The following SPOCK1 variants were observed in gnomAD, a reference collection of about 807,000 sequenced individuals.
The protein encoded by SPOCK1 is testican-1.
In SPOCK1, 23 loss-of-function variants were observed where a neutral mutation model predicts 55.3. That is an observed-to-expected ratio of 0.42 (90% CI 0.30 to 0.59). SPOCK1 has a LOEUF of 0.59. Ranked by LOEUF, SPOCK1 falls within the 20% of genes least tolerant of loss-of-function variation. The pLI is 0.22. For synonymous variants in SPOCK1, 226 were observed against 221.0 expected, an observed-to-expected ratio of 1.02 and a Z score of -0.20; for missense variants, 499 against 552.5, an observed-to-expected ratio of 0.90 and a Z score of 0.97.
intron 3 of SPOCK1, among the ~76,000 whole-genome samples, chr5:137,215,794 A>T (rs1439292613): frequency 6.6e-6 from 1 of 152,206 alleles, no homozygotes. Flanking sequence ...TCCTCAGGAT[A>T]ACTGCACATT....
intron 3 of SPOCK1, among the ~76,000 whole-genome samples, chr5:137,248,456 G>A (rs1222861855): frequency 2.6e-5 from 4 of 152,226 alleles, no homozygotes; most frequent in African/African-American, 4.8e-5. Flanking sequence ...ATGTCTAGCT[G>A]TGAAGCAGAA....
At chr5:137,089,613 G>A (rs1242200072) in intron 5 of SPOCK1, among the ~76,000 whole-genome samples, 1 of 152,112 alleles carries the variant, frequency 6.6e-6, no homozygotes, top group African/African-American at 2.4e-5. Context: ...TCATCAAGAG[G>A]CTGCTGTTCA....
intron 3 of SPOCK1, among the ~76,000 whole-genome samples, chr5:137,144,593 G>C (rs964966449): frequency 6.6e-6 from 1 of 152,182 alleles, no homozygotes; most frequent in African/African-American, 2.4e-5. Flanking sequence ...GATTGAAAGG[G>C]GATGAGGAGT....
chr5:137,050,988 A>G (rs1752195261), intron 6 of SPOCK1, among the ~76,000 whole-genome samples: 1 of 152,260 alleles, frequency 6.6e-6, no homozygotes, highest in Non-Finnish European at 1.5e-5. Context: ...AAAGTTATCA[A>G]TTCTTCTCCA....
intron 2 of SPOCK1, among the ~76,000 whole-genome samples, chr5:137,358,540 GA>G (rs1254144845): frequency 6.7e-6 from 1 of 149,454 alleles, no homozygotes; most frequent in Non-Finnish European, 1.5e-5. Flanking sequence ...GGGGAAGGAA[GA>G]GGGGAAGGTG....
intron 2 of SPOCK1, among the ~76,000 whole-genome samples, chr5:137,349,668 C>G (rs1296211355): frequency 6.6e-6 from 1 of 152,196 alleles, no homozygotes; most frequent in African/African-American, 2.4e-5. Context: ...CTCCTGGCTT[C>G]TAGTGGTTTG....
intron 2 of SPOCK1, among the ~76,000 whole-genome samples, chr5:137,451,183 C>T (rs1044235533): frequency 6.6e-6 from 1 of 152,192 alleles, no homozygotes; most frequent in Non-Finnish European, 1.5e-5. Flanking sequence ...TAGTCTAAAA[C>T]AGAACAGTTT....
rs118172279 is a variant in SPOCK1, at chr5:137,194,838, C to T, written c.233-54144G>A. Among the ~76,000 whole-genome samples the T allele has an allele frequency of 1.6e-3, 241 of 152,270 alleles. 1 individual carries two copies. The highest frequency in any genetic ancestry group is 0.012 in the East Asian group (62 of 5,170). ...CCTCCCATAAGCACCAGCCCTGAGC[C>T]GGCAGCTACAAGCCCATTTCTGGTC... On this transcript the variant is annotated intron_variant, in intron 3 of 10. Transcript: ENST00000394945.
At chr5:136,983,451 TCATTAAGGAGTGTACGC>T (rs1750772638) in intron 9 of SPOCK1, among the ~76,000 whole-genome samples, 2 of 152,284 alleles carry the variant, frequency 1.3e-5, no homozygotes, top group East Asian at 3.9e-4. Context: ...ATCCACCCTC[TCATTAAGGAGTGTACGC>T]CATTGCATGC....
intron 4 of SPOCK1, among the ~76,000 whole-genome samples, chr5:137,121,930 T>A (rs893154120): frequency 6.9e-6 from 1 of 145,848 alleles, no homozygotes; most frequent in Non-Finnish European, 1.5e-5. Context: ...ACTGTTATTA[T>A]ATAACAGTAT....
At chr5:137,403,743 G>A (rs1429132535) in intron 2 of SPOCK1, among the ~76,000 whole-genome samples, 2 of 151,960 alleles carry the variant, frequency 1.3e-5, no homozygotes, top group Non-Finnish European at 2.9e-5. Flanking sequence ...ACAGCAAGGG[G>A]GACGGTATGG....
At chr5:137,218,469 T>A (rs900733017) in intron 3 of SPOCK1, among the ~76,000 whole-genome samples, 3 of 152,262 alleles carry the variant, frequency 2.0e-5, no homozygotes, top group African/African-American at 7.2e-5. Flanking sequence ...TTGTTCTGAT[T>A]GAAATGAACA....
chr5:137,197,097 C>T (rs1387157426), intron 3 of SPOCK1, among the ~76,000 whole-genome samples: 1 of 152,204 alleles, frequency 6.6e-6, no homozygotes, highest in Non-Finnish European at 1.5e-5. Context: ...ATCTTACACT[C>T]TTTGGATGAC....
At chr5:137,315,356 C>G (rs1283537315) in intron 2 of SPOCK1, among the ~76,000 whole-genome samples, 1 of 152,226 alleles carries the variant, frequency 6.6e-6, no homozygotes, top group Non-Finnish European at 1.5e-5. Context: ...GTCTTCAACT[C>G]TGAACCACGT....
intron 2 of SPOCK1, among the ~76,000 whole-genome samples, chr5:137,311,441 C>A (rs1757787177): frequency 6.6e-6 from 1 of 152,210 alleles, no homozygotes; most frequent in South Asian, 2.1e-4. Context: ...GGATACCTTA[C>A]AAATGTTCTT....
At chr5:137,172,408 T>C (rs1412900191) in intron 3 of SPOCK1, among the ~76,000 whole-genome samples, 1 of 152,180 alleles carries the variant, frequency 6.6e-6, no homozygotes, top group Non-Finnish European at 1.5e-5. Flanking sequence ...AGAGTCACAA[T>C]GTTTCCAATC....
chr5:137,025,505 T>C (rs1313308790), intron 6 of SPOCK1, among the ~76,000 whole-genome samples: 5 of 152,214 alleles, frequency 3.3e-5, no homozygotes, highest in African/African-American at 1.2e-4. Context: ...CACTGTATTC[T>C]AGCTATTCTA....
intron 3 of SPOCK1, among the ~76,000 whole-genome samples, chr5:137,264,401 A>C (rs1367954283): frequency 6.6e-6 from 1 of 152,024 alleles, no homozygotes; most frequent in Non-Finnish European, 1.5e-5. Context: ...TTTCAAATCC[A>C]CCTTTCTGAC....
chr5:137,264,177 C>A (rs1350024772), intron 3 of SPOCK1, among the ~76,000 whole-genome samples: 1 of 152,008 alleles, frequency 6.6e-6, no homozygotes. Context: ...ATGAATGATG[C>A]CATGAAGAAG....
Sources: gnomAD v4.1 joint callset for allele counts (sites outside exome capture counted in the v4.1 genomes callset) on GRCh38, gnomAD v4.1.1 for gene constraint, MANE v1.5 for transcripts, NCBI Gene and HGNC (gene_info 2026-07-23, HGNC 2026-07-21) for gene names.